DGKB: variants seen among roughly 807,000 people sequenced by gnomAD.
DGKB encodes the protein diacylglycerol kinase beta, also known as 90 kDa diacylglycerol kinase.
A neutral mutation model predicts 114.3 loss-of-function variants in DGKB; 67 were observed. The ratio of observed to expected loss-of-function variants is 0.59; its 90% CI spans 0.48 to 0.72. The LOEUF is 0.72. Among genes scored for constraint, DGKB ranks in the 30% least tolerant of loss-of-function variants. The pLI, the probability that DGKB is intolerant of heterozygous loss-of-function variation, is 0.00. For missense variants in DGKB, 907 were observed against 975.2 expected (o/e 0.93, Z 0.93); for synonymous variants, 398 against 323.1 (o/e 1.23, Z -2.49).
At chr7:14,268,133 T>C (rs38267) in intron 23 of DGKB, among the ~76,000 whole-genome samples, 84,695 of 151,846 alleles carry the variant, frequency 0.56, 26,322 homozygotes, top group East Asian at 0.99. Context: ...ATCTAACCAC[T>C]ATATAGAACT....
At chr7:14,793,777 T>A (rs1414328329) in intron 2 of DGKB, among the ~76,000 whole-genome samples, 1 of 152,072 alleles carries the variant, frequency 6.6e-6, no homozygotes. Context: ...ATACCCAGAT[T>A]AAGCGTTATT....
chr7:14,747,779 G>GCGCACACACACACA (rs1554636463), intron 4 of DGKB, among the ~76,000 whole-genome samples: 1 of 148,502 alleles, frequency 6.7e-6, no homozygotes. Flanking sequence ...CCACGCGCAC[G>GCGCACACACACACA]CACACACACA....
intron 20 of DGKB, among the ~76,000 whole-genome samples, chr7:14,533,456 G>C (rs1403906153): frequency 6.6e-6 from 1 of 151,532 alleles, no homozygotes; most frequent in African/African-American, 2.4e-5. Context: ...AATGAGAAGA[G>C]ATAAGAAAAG....
chr7:14,448,023 T>G (rs1184442754), intron 21 of DGKB, among the ~76,000 whole-genome samples: 1 of 152,146 alleles, frequency 6.6e-6, no homozygotes, highest in Non-Finnish European at 1.5e-5. Flanking sequence ...CTCCAGTTTA[T>G]GCATGCATTC....
At chr7:14,266,240 A>AT (rs1246569215) in intron 23 of DGKB, among the ~76,000 whole-genome samples, 1 of 152,184 alleles carries the variant, frequency 6.6e-6, no homozygotes, top group Non-Finnish European at 1.5e-5. Flanking sequence ...TGACTGATTG[A>AT]TTCTAAGAAT....
At chr7:14,520,038 G>T (rs1009775081) in intron 20 of DGKB, among the ~76,000 whole-genome samples, 1 of 151,514 alleles carries the variant, frequency 6.6e-6, no homozygotes, top group South Asian at 2.1e-4. Context: ...AGAACAAATA[G>T]TTTTAATTTT....
intron 23 of DGKB, among the ~76,000 whole-genome samples, chr7:14,230,437 T>C (rs1201812372): frequency 1.3e-5 from 2 of 152,002 alleles, no homozygotes; most frequent in Non-Finnish European, 2.9e-5. Flanking sequence ...TTTCAAAAGC[T>C]GTTATGGTAA....
chr7:14,268,153 C>T (rs1797776503), intron 23 of DGKB, among the ~76,000 whole-genome samples: 1 of 151,972 alleles, frequency 6.6e-6, no homozygotes, highest in South Asian at 2.1e-4. Context: ...TACATGACCT[C>T]TAGATTTAAA....
At chr7:14,758,381 T>C (rs1014693613) in intron 2 of DGKB, among the ~76,000 whole-genome samples, 1 of 152,092 alleles carries the variant, frequency 6.6e-6, no homozygotes, top group African/African-American at 2.4e-5. Context: ...AATACATTAA[T>C]ATGATATAGA....
chr7:14,375,290 T>C (rs1583489259), intron 21 of DGKB, among the ~76,000 whole-genome samples: 1 of 152,244 alleles, frequency 6.6e-6, no homozygotes, highest in South Asian at 2.1e-4. Context: ...CTTTTAGATA[T>C]GTCATTGGCT....
At chr7:14,230,319 C>T (rs1265764613) in intron 23 of DGKB, among the ~76,000 whole-genome samples, 1 of 151,760 alleles carries the variant, frequency 6.6e-6, no homozygotes, top group Non-Finnish European at 1.5e-5. Flanking sequence ...TGCCTGAAAC[C>T]ATGATGTCAA....
At chr7:14,155,338 T>A (rs1047583824) in intron 25 of DGKB, among the ~76,000 whole-genome samples, 1 of 152,124 alleles carries the variant, frequency 6.6e-6, no homozygotes, top group Non-Finnish European at 1.5e-5. Context: ...ACATATGTAT[T>A]TTTAAACCTA....
intron 2 of DGKB, among the ~76,000 whole-genome samples, chr7:14,807,422 G>A (rs186465818): frequency 1.3e-5 from 2 of 151,998 alleles, no homozygotes; most frequent in Admixed American, 1.3e-4. Context: ...ATTATCATTA[G>A]ATAATTTTTT....
Position 14,870,056 on chromosome 7 carries a change from T to C in DGKB, c.-187-28606A>G, listed in dbSNP as rs907009667. On this transcript the variant is annotated intron_variant, in intron 1 of 25. Coordinates refer to ENST00000402815, the MANE Select transcript of DGKB (RefSeq NM_001350709.2). ...GACCCAGAGTTGCATCTTGGGTGTC[T>C]TGGCTCTAGATGCTCTTCCCTGAGT... Among the ~76,000 whole-genome samples the C allele has an allele frequency of 1.1e-4, 16 of 152,330 alleles. No individual in the cohort carries two copies. The East Asian group carries it at 3.1e-3, about 29-fold the overall frequency.
At chr7:14,189,156 G>T (rs878894423) in intron 23 of DGKB, among the ~76,000 whole-genome samples, 2 of 152,126 alleles carry the variant, frequency 1.3e-5, no homozygotes, top group East Asian at 1.9e-4. Flanking sequence ...GATATGATAC[G>T]TCTTTCAATC....
intron 13 of DGKB, among the ~76,000 whole-genome samples, chr7:14,641,350 T>G (rs1003978348): frequency 6.6e-6 from 1 of 151,750 alleles, no homozygotes; most frequent in African/African-American, 2.4e-5. Context: ...GGGATTGCAT[T>G]TTACAATACA....
chr7:14,243,785 T>C (rs995835567), intron 23 of DGKB, among the ~76,000 whole-genome samples: 3 of 152,206 alleles, frequency 2.0e-5, no homozygotes, highest in Non-Finnish European at 4.4e-5. Flanking sequence ...ATCTACAATA[T>C]TGTCAGATCT....
chr7:14,765,729 GAA>G (rs1279082339), intron 2 of DGKB, among the ~76,000 whole-genome samples: 1 of 151,836 alleles, frequency 6.6e-6, no homozygotes, highest in East Asian at 1.9e-4. Flanking sequence ...AATACATTAA[GAA>G]AAAGAGTATA....
At chr7:14,737,490 G>A (rs1400521776) in intron 4 of DGKB, among the ~76,000 whole-genome samples, 5 of 151,732 alleles carry the variant, frequency 3.3e-5, no homozygotes, top group African/African-American at 9.7e-5. Flanking sequence ...TGTATTATTT[G>A]GGACAAACCT....
Sources: gnomAD v4.1 joint callset for allele counts (sites outside exome capture counted in the v4.1 genomes callset) on GRCh38, gnomAD v4.1.1 for gene constraint, MANE v1.5 for transcripts, NCBI Gene and HGNC (gene_info 2026-07-23, HGNC 2026-07-21) for gene names.